KDM2A: variants seen among roughly 807,000 people sequenced by gnomAD.
KDM2A encodes the protein lysine demethylase 2A.
KDM2A carries 3 observed loss-of-function variants against 137.3 expected under a neutral mutation model. The ratio of observed to expected loss-of-function variants is 0.02; its 90% CI spans 0.01 to 0.06. KDM2A has a LOEUF of 0.06. KDM2A is among the 10% of genes least tolerant of loss of function. KDM2A has a pLI of 1.00. For missense variants in KDM2A, 738 were observed against 1,510.6 expected (o/e 0.49, Z 8.48); for synonymous variants, 512 against 541.5 (o/e 0.95, Z 0.76).
chr11:67,140,256 A>C (rs1296369508), intron 2 of KDM2A, among the ~76,000 whole-genome samples: 1 of 151,908 alleles, frequency 6.6e-6, no homozygotes, highest in Admixed American at 6.6e-5. Flanking sequence ...GTCCCAGGTA[A>C]TTGGGAGGCT....
chr11:67,184,477 A>G (rs1857158572), intron 5 of KDM2A, among the ~76,000 whole-genome samples: 1 of 151,942 alleles, frequency 6.6e-6, no homozygotes, highest in African/African-American at 2.4e-5. Context: ...AAAATACAAA[A>G]ATTAGCTGGG....
intron 5 of KDM2A, among the ~76,000 whole-genome samples, chr11:67,205,200 G>C (rs1186294834): frequency 1.3e-5 from 2 of 152,172 alleles, no homozygotes; most frequent in Non-Finnish European, 2.9e-5. Context: ...AGCGATCCTA[G>C]TGGGTGTGAA....
chr11:67,124,009 G>A (rs1377855736), intron 2 of KDM2A, among the ~76,000 whole-genome samples: 3 of 146,418 alleles, frequency 2.0e-5, no homozygotes, highest in Non-Finnish European at 4.7e-5. Flanking sequence ...TTGTTTGTTG[G>A]TTTGTTTGTT....
chr11:67,204,716 C>A (rs1385492643), intron 5 of KDM2A, among the ~76,000 whole-genome samples: 1 of 152,018 alleles, frequency 6.6e-6, no homozygotes, highest in African/African-American at 2.4e-5. Context: ...TGGTCTTGAT[C>A]TCCTGACCTC....
intron 2 of KDM2A, among the ~76,000 whole-genome samples, chr11:67,163,776 A>T (rs894870045): frequency 6.6e-6 from 1 of 151,854 alleles, no homozygotes; most frequent in African/African-American, 2.4e-5. Flanking sequence ...GAATCGCTTG[A>T]ACCTGAGAGT....
intron 2 of KDM2A, among the ~76,000 whole-genome samples, chr11:67,158,254 A>G (rs1024172623): frequency 2.0e-5 from 3 of 152,186 alleles, no homozygotes; most frequent in South Asian, 2.1e-4. Context: ...CTTTGTGGCT[A>G]CATATCTCAT....
chr11:67,190,622 A>G (rs772575125), intron 5 of KDM2A, among the ~76,000 whole-genome samples: 24 of 147,206 alleles, frequency 1.6e-4, no homozygotes, highest in Middle Eastern at 3.8e-3. Context: ...TGAGCTGGAC[A>G]TGGTTGCATG....
Position 67,250,021 on chromosome 11 carries a change from C to T in KDM2A, c.2056-65C>T. On this transcript the variant is annotated intron_variant, in intron 16 of 20. Transcript: ENST00000529006. The surrounding 1 kb of genome is among the most constrained non-coding windows in gnomAD (Gnocchi z 7.1). The stretch of plus-strand genomic sequence containing the variant: ...CCCCTGAGAGCAAGGGAGGTCCACC[C>T]TGTCGGTTCAGAGGGTTTGGAAGAA... The T allele has an allele frequency of 7.4e-7, 1 of 1,350,506 alleles. No homozygotes were observed. Among genetic ancestry groups the T allele is most frequent in the Non-Finnish European group, 1.0e-6 (1 of 989,156 alleles). 83.7% of individuals were successfully genotyped at this position (1,350,506 alleles called of 1,614,324 possible).
intron 6 of KDM2A, among the ~76,000 whole-genome samples, chr11:67,212,548 C>G (rs1156627623): frequency 2.0e-5 from 3 of 152,184 alleles, no homozygotes; most frequent in African/African-American, 7.2e-5. Flanking sequence ...TATTGGACTT[C>G]TTACCAGTTT....
Position 67,221,282 on chromosome 11 carries a change from A to G in KDM2A, c.957+1879A>G, listed in dbSNP as rs193298197. Reference sequence around the variant, plus strand: ...TAGCTTAGCAGAATACTAAGCTAGTATGGAGATGAGCAGATGTGGAGAAAT... The same window carrying G: ...TAGCTTAGCAGAATACTAAGCTAGTGTGGAGATGAGCAGATGTGGAGAAAT... On this transcript the variant is annotated intron_variant, in intron 10 of 20. Transcript: ENST00000529006. 3.9e-5 allele frequency among the ~76,000 whole-genome samples: 6 copies of G among 152,352 alleles called. No homozygotes were observed. The East Asian group carries it at 1.2e-3, about 29-fold the overall frequency.
chr11:67,128,371 A>G (rs976853499), intron 2 of KDM2A, among the ~76,000 whole-genome samples: 11 of 151,342 alleles, frequency 7.3e-5, no homozygotes, highest in African/African-American at 2.7e-4. Context: ...AAAATAGAAT[A>G]TTTATTTTAA....
intron 2 of KDM2A, among the ~76,000 whole-genome samples, chr11:67,155,237 A>G (rs1302912455): frequency 6.6e-6 from 1 of 152,134 alleles, no homozygotes; most frequent in Non-Finnish European, 1.5e-5. Context: ...GCTGGTCTCG[A>G]ACTCCTGACC....
At chr11:67,135,836 A>G (rs1855959946) in intron 2 of KDM2A, among the ~76,000 whole-genome samples, 1 of 152,148 alleles carries the variant, frequency 6.6e-6, no homozygotes, top group Admixed American at 6.6e-5. Context: ...ATCTTAATCT[A>G]TGTGAATAAA....
rs546763842 is a variant in KDM2A, at chr11:67,235,461, C to T, written c.1479+3501C>T. Among the ~76,000 whole-genome samples the T allele has an allele frequency of 2.0e-5, 3 of 151,794 alleles. No individual in the cohort carries two copies. In the South Asian group the frequency reaches 6.3e-4, roughly 32 times the overall value. ...CTGGGATTACAGGCATGCACCACCACCCTGGCTAATTTTGTATTTTTAGTA... is the reference window on the plus strand; with the variant it reads ...CTGGGATTACAGGCATGCACCACCATCCTGGCTAATTTTGTATTTTTAGTA... On this transcript the variant is annotated intron_variant, in intron 12 of 20. Coordinates refer to ENST00000529006, the MANE Select transcript of KDM2A (RefSeq NM_012308.3).
intron 10 of KDM2A, among the ~76,000 whole-genome samples, chr11:67,224,426 G>A (rs117598695): frequency 6.7e-6 from 1 of 149,508 alleles, no homozygotes; most frequent in East Asian, 2.0e-4. Flanking sequence ...GGACAACATA[G>A]TGAGACCCTG....
At chr11:67,157,760 A>AG (rs1856550945) in intron 2 of KDM2A, among the ~76,000 whole-genome samples, 1 of 151,892 alleles carries the variant, frequency 6.6e-6, no homozygotes, top group Non-Finnish European at 1.5e-5. Context: ...AAAAAAAAAA[A>AG]AAAACTTGCA....
chr11:67,178,939 T>C (rs1053664170), intron 2 of KDM2A, among the ~76,000 whole-genome samples: 7 of 152,236 alleles, frequency 4.6e-5, no homozygotes, highest in Non-Finnish European at 1.0e-4. Context: ...TGTTAAGTCG[T>C]ACGATAACTT....
intron 10 of KDM2A, among the ~76,000 whole-genome samples, chr11:67,226,205 C>T (rs1210910557): frequency 2.6e-5 from 4 of 151,572 alleles, no homozygotes; most frequent in East Asian, 1.9e-4. Context: ...TGCAGTGAGC[C>T]GAGATCCCAC....
chr11:67,223,211 T>A (rs1434046606), intron 10 of KDM2A, among the ~76,000 whole-genome samples: 7 of 144,228 alleles, frequency 4.9e-5, no homozygotes, highest in East Asian at 2.0e-4. Context: ...AAAAAAAAAA[T>A]TATTTCCAAA....
Sources: gnomAD v4.1 joint callset for allele counts (sites outside exome capture counted in the v4.1 genomes callset) on GRCh38, gnomAD v4.1.1 for gene constraint, Gnocchi (gnomAD v3.1) non-coding constraint, MANE v1.5 for transcripts, NCBI Gene and HGNC (gene_info 2026-07-23, HGNC 2026-07-21) for gene names.